Variants in AKAP11 observed in about 807,000 individuals in gnomAD.
AKAP11 encodes A-kinase anchor protein 11.
A neutral mutation model predicts 146.1 loss-of-function variants in AKAP11; 36 were observed. The ratio of observed to expected loss-of-function variants is 0.25; its 90% CI spans 0.19 to 0.33. AKAP11 has a LOEUF of 0.33. Among genes scored for constraint, AKAP11 ranks in the 10% least tolerant of loss-of-function variants. AKAP11 has a pLI of 1.00. For synonymous variants in AKAP11, 780 were observed against 786.5 expected, an observed-to-expected ratio of 0.99 and a Z score of 0.14; for missense variants, 2,201 against 2,197.0, an observed-to-expected ratio of 1.00 and a Z score of -0.04.
rs772941169 is a variant in AKAP11 at position 42,301,305 on chromosome 13, T to C, written c.2559T>C (p.Thr853=). 16 of 1,613,734 alleles carry C rather than the reference T, an allele frequency of 9.9e-6. No individual in the cohort carries two copies. In the African/African-American group the frequency reaches 2.0e-4, roughly 20 times the overall value. ...GTAATCAGAATGATTTTAAACCAACTAATGACGATATTGAAATGCAGAGTT... is the reference window on the plus strand; with the variant it reads ...GTAATCAGAATGATTTTAAACCAACCAATGACGATATTGAAATGCAGAGTT... ...NPGNQNDFKP[T]NDDIEMQSSS... Residue 853 remains threonine (T), a synonymous_variant, in exon 8 of 13, where the codon ACT becomes ACC. Transcript: ENST00000025301.
In AKAP11 at chr13:42,322,117, A is replaced by G. The variant is rs867935033; in HGVS notation, c.*2889A>G. On this transcript the variant is annotated 3_prime_UTR_variant, in exon 13 of 13. Transcript: ENST00000025301. ...ACAATATCTGTTGGATATTTGATATAATTTAATGGTGTTATAAAACCTTTA... is the reference window on the plus strand; with the variant it reads ...ACAATATCTGTTGGATATTTGATATGATTTAATGGTGTTATAAAACCTTTA... 1.3e-5 allele frequency: 2 copies of G among 152,302 alleles called. No individual in the cohort carries two copies. Among genetic ancestry groups the G allele is most frequent in the African/African-American group, 4.8e-5 (2 of 41,460 alleles). 9.4% of individuals were successfully genotyped at this position (152,302 alleles called of 1,614,324 possible).
intron 8 of AKAP11, among the ~76,000 whole-genome samples, chr13:42,305,959 C>T (rs892176611): frequency 6.6e-6 from 1 of 152,124 alleles, no homozygotes; most frequent in Admixed American, 6.5e-5. Context: ...CATCAGCTCT[C>T]ATGAGAACTC....
Position 42,317,560 on chromosome 13 carries a change from A to G in AKAP11, c.5437A>G (p.Thr1813Ala), listed in dbSNP as rs1309661540. The G allele has an allele frequency of 6.8e-6, 11 of 1,614,034 alleles. No homozygotes were observed. Among genetic ancestry groups the G allele is most frequent in the Non-Finnish European group, 9.3e-6 (11 of 1,179,974 alleles). ...LGQDGKTLLI[T>A]NIDMEPCTVD... ...GCAAGATGGAAAGACACTGCTAATTACGAATATTGACATGGAGCCATGCAC... is the reference window on the plus strand; with the variant it reads ...GCAAGATGGAAAGACACTGCTAATTGCGAATATTGACATGGAGCCATGCAC... Residue 1813 changes from threonine to alanine, a missense_variant, in exon 12 of 13, where the codon ACG becomes GCG. Coordinates refer to ENST00000025301, the MANE Select transcript of AKAP11 (RefSeq NM_016248.4).
chr13:42,275,870 G>A (rs903006258), intron 1 of AKAP11, among the ~76,000 whole-genome samples: 2 of 152,184 alleles, frequency 1.3e-5, no homozygotes, highest in Non-Finnish European at 2.9e-5. Flanking sequence ...AGAGCATACC[G>A]TGTGGCAGGT....
intron 11 of AKAP11, among the ~76,000 whole-genome samples, chr13:42,315,638 C>T (rs1318635847): frequency 1.3e-5 from 2 of 152,110 alleles, no homozygotes; most frequent in African/African-American, 4.8e-5. Context: ...TTGGCACTAA[C>T]CAGGCTGTTA....
At chr13:42,284,958 C>G (rs926409792) in intron 1 of AKAP11, among the ~76,000 whole-genome samples, 1 of 152,178 alleles carries the variant, frequency 6.6e-6, no homozygotes, top group African/African-American at 2.4e-5. Context: ...GAATAGAATA[C>G]AATCATACTT....
At chr13:42,296,922 A>G (rs1959548812) in intron 5 of AKAP11, 126 bp from the exon 6 acceptor site, 1 of 653,510 alleles carries the variant, frequency 1.5e-6, no homozygotes, top group Admixed American at 3.4e-5. Flanking sequence ...TGTATATGTT[A>G]ACTATTATGA....
chr13:42,299,421 T>A lies in AKAP11; in HGVS notation c.675T>A (p.Gly225=), dbSNP rs1238615388. ...QCDAASQTVT[G]HHLETHDLKI... ...ATGCTGCTTCCCAGACGGTTACTGG[T>A]CATCATTTAGAAACCCATGATTTAA... Residue 225 remains glycine (G), a synonymous_variant, in exon 8 of 13, where the codon GGT becomes GGA. Coordinates refer to ENST00000025301, the MANE Select transcript of AKAP11 (RefSeq NM_016248.4). 2 of 1,613,734 alleles carry A rather than the reference T, an allele frequency of 1.2e-6. No homozygotes were observed. Among genetic ancestry groups the A allele is most frequent in the Non-Finnish European group, 1.7e-6 (2 of 1,179,824 alleles).
chr13:42,293,539 G>A (rs1222870183), intron 4 of AKAP11, among the ~76,000 whole-genome samples: 1 of 151,794 alleles, frequency 6.6e-6, no homozygotes, highest in Non-Finnish European at 1.5e-5. Flanking sequence ...TTTTACTTTA[G>A]CAAAACCAAG....
intron 1 of AKAP11, among the ~76,000 whole-genome samples, chr13:42,283,289 A>G (rs1305418041): frequency 5.3e-5 from 8 of 152,242 alleles, no homozygotes; most frequent in African/African-American, 1.9e-4. Flanking sequence ...ACAGAGTGTA[A>G]ATATAGAATT....
At position 42,303,176 on chromosome 13, in the gene AKAP11, T is replaced by C. The variant is rs964764994; in HGVS notation, c.4430T>C (p.Leu1477Pro). Reference sequence around the variant, plus strand: ...GCTAAGGAAGAGTTGACAGCCTCTCTAGTTGGCCTACCAAAATCCTTAACA... The same window carrying C: ...GCTAAGGAAGAGTTGACAGCCTCTCCAGTTGGCCTACCAAAATCCTTAACA... ...KDAKEELTASLVGLPKSLTDS... is the reference protein window; with the variant it reads ...KDAKEELTASPVGLPKSLTDS... Residue 1477 changes from leucine (L) to proline (P), a missense_variant, in exon 8 of 13, where the codon CTA (leucine) becomes CCA (proline). Physicochemically the swap from Leu to Pro is moderately conservative, Grantham distance 98 (BLOSUM62 -3). This residue lies in a region of AKAP11 where 1,867 missense variants were observed against 1,833.5 expected (regional missense o/e 1.02). Transcript: ENST00000025301. The C allele has an allele frequency of 5.6e-6, 9 of 1,614,222 alleles. No individual in the cohort carries two copies. The highest frequency in any genetic ancestry group is 1.1e-5 in the South Asian group (1 of 91,088).
chr13:42,281,900 C>T (rs907512812), intron 1 of AKAP11, among the ~76,000 whole-genome samples: 3 of 151,866 alleles, frequency 2.0e-5, no homozygotes, highest in Non-Finnish European at 2.9e-5. Flanking sequence ...TTTAGTGTAC[C>T]TCCTTCAAGT....
At chr13:42,271,908 T>G (rs534094001), upstream of AKAP11, among the ~76,000 whole-genome samples, 2 of 151,700 alleles carry the variant, frequency 1.3e-5, no homozygotes, top group South Asian at 4.2e-4. Context: ...GAAGGCTTTT[T>G]TTCCTGTTCC....
rs1959837675 is a variant in AKAP11 at position 42,300,826 on chromosome 13, T to G, written c.2080T>G (p.Ser694Ala). ...AGTGAAGTTGTATGCAAAAGATTTG[T>G]CTGAATCTGTAATACAGGAAGCATT... ...KVVKLYAKDL[S>A]ESVIQEAFIE... Residue 694 changes from serine (S) to alanine (A), a missense_variant, in exon 8 of 13, where the codon TCT becomes GCT. Ser to Ala is a moderately conservative substitution (Grantham distance 99). Coordinates refer to ENST00000025301, the MANE Select transcript of AKAP11 (RefSeq NM_016248.4). 6.2e-7 allele frequency: 1 copy of G among 1,614,162 alleles called. No individual in the cohort carries two copies. Among genetic ancestry groups the G allele is most frequent in the Admixed American group, 1.7e-5 (1 of 60,020 alleles).
chr13:42,313,510 A>G lies in AKAP11; in HGVS notation c.5357+380A>G, dbSNP rs376616730. Among the ~76,000 whole-genome samples the G allele has an allele frequency of 2.5e-4, 38 of 152,320 alleles. 2 individuals carry two copies. In the East Asian group the frequency reaches 6.4e-3, roughly 25 times the overall value. ...TATAGGTAAAAAGTGTTTTTACTGT[A>G]TTAAAAATATATATAAATTGCATCA... On this transcript the variant is annotated intron_variant, in intron 10 of 12. Coordinates refer to ENST00000025301, the MANE Select transcript of AKAP11 (RefSeq NM_016248.4).
At chr13:42,273,484 G>C (rs1013622575) in intron 1 of AKAP11, among the ~76,000 whole-genome samples, 3 of 152,080 alleles carry the variant, frequency 2.0e-5, no homozygotes, top group Non-Finnish European at 2.9e-5. Context: ...TATTGTAGCT[G>C]TAACAGTAAT....
Position 42,320,264 on chromosome 13 carries a change from GTTTT to G in AKAP11, c.*1041_*1044del, listed in dbSNP as rs200524748. ...AAAAAACCTCTACCAAGAATGTGGT[GTTTT>G]TTTTGTTTGTTTGTTTGTTTGTTTT... On this transcript the variant is annotated 3_prime_UTR_variant, in exon 13 of 13. Transcript: ENST00000025301. 1.4e-5 allele frequency: 2 copies of G among 143,014 alleles called. No individual in the cohort carries two copies. Among genetic ancestry groups the G allele is most frequent in the African/African-American group, 4.9e-5 (2 of 40,874 alleles). 8.9% of individuals were successfully genotyped at this position (143,014 alleles called of 1,614,324 possible). A position where few individuals can be genotyped will look rare whatever the true frequency, so the allele number is the denominator to read the frequency against.
rs1251143699 is a variant in AKAP11 at position 42,301,478 on chromosome 13, T to C, written c.2732T>C (p.Leu911Ser). Residue 911 changes from leucine to serine, a missense_variant, in exon 8 of 13, where the codon TTA becomes TCA. By Grantham distance (145) the Leu-to-Ser change is moderately radical. Transcript: ENST00000025301. ...DERTDYLTKS[L>S]KEKTPPFSHC... ...CGTACAGATTATTTAACTAAATCTT[T>C]AAAGGAGAAAACCCCTCCATTTTCC... is the stretch of plus-strand genomic sequence containing the variant. 1 of 1,613,532 alleles carries C rather than the reference T, an allele frequency of 6.2e-7. No homozygotes were observed. The highest frequency in any genetic ancestry group is 1.7e-5 in the Admixed American group (1 of 59,926).
chr13:42,293,701 C>T (rs1196739436), intron 4 of AKAP11, among the ~76,000 whole-genome samples: 1 of 152,192 alleles, frequency 6.6e-6, no homozygotes, highest in Non-Finnish European at 1.5e-5. Context: ...TCCAAGCCCA[C>T]ATTCCTTGGT....
Sources: gnomAD v4.1 joint callset for allele counts (sites outside exome capture counted in the v4.1 genomes callset) on GRCh38, gnomAD v4.1.1 for gene constraint, gnomAD v4.1.1 regional missense constraint, MANE v1.5 for transcripts, NCBI Gene and HGNC (gene_info 2026-07-23, HGNC 2026-07-21) for gene names.